Variants in PRKN observed in about 807,000 individuals in gnomAD.
The protein encoded by PRKN is parkin RBR E3 ubiquitin protein ligase, also known as E3 ubiquitin-protein ligase parkin.
A neutral mutation model predicts 59.5 loss-of-function variants in PRKN; 56 were observed. The ratio of observed to expected loss-of-function variants is 0.94; its 90% CI spans 0.76 to 1.18. The LOEUF (loss-of-function observed/expected upper bound fraction) is 1.18, where lower values mean the gene tolerates loss of function less well. Among genes scored for constraint, PRKN ranks in the 50% most tolerant of loss-of-function variants. The pLI, the probability that PRKN is intolerant of heterozygous loss-of-function variation, is 0.00. For missense variants in PRKN, 657 were observed against 596.4 expected (o/e 1.10, Z -1.06); for synonymous variants, 250 against 222.1 (o/e 1.13, Z -1.12).
rs191414101 is a variant in PRKN, at chr6:162,442,298, C to T, written c.171+1012G>A. Among the ~76,000 whole-genome samples, 474 of 152,292 alleles carry T rather than the reference C, an allele frequency of 3.1e-3. 4 individuals carry two copies. Among genetic ancestry groups the T allele is most frequent in the African/African-American group, 0.011 (447 of 41,562 alleles). On this transcript the variant is annotated intron_variant, in intron 2 of 11. Coordinates refer to ENST00000366898, the MANE Select transcript of PRKN (RefSeq NM_004562.3). The stretch of plus-strand genomic sequence containing the variant: ...ACTCTGACCCAGGAGCCCCCCTGCG[C>T]GGAGCAGTGATACCCACACAGCTGT...
intron 1 of PRKN, among the ~76,000 whole-genome samples, chr6:162,644,095 A>G (rs1778071084): frequency 6.6e-6 from 1 of 152,066 alleles, no homozygotes; most frequent in Non-Finnish European, 1.5e-5. Flanking sequence ...GAACGCTCCC[A>G]CTTTCAGCAC....
At chr6:161,494,119 C>T (rs914578140) in intron 9 of PRKN, among the ~76,000 whole-genome samples, 7 of 152,130 alleles carry the variant, frequency 4.6e-5, no homozygotes, top group African/African-American at 1.2e-4. Context: ...TAGTTTTATA[C>T]CATATTTAAT....
At chr6:162,382,851 A>G (rs1050195673) in intron 2 of PRKN, among the ~76,000 whole-genome samples, 1 of 152,240 alleles carries the variant, frequency 6.6e-6, no homozygotes, top group Non-Finnish European at 1.5e-5. Context: ...TAAGTTATGC[A>G]GTATCTAAAT....
chr6:162,372,624 G>A lies in PRKN; in HGVS notation c.171+70686C>T, dbSNP rs538697863. ...ATTCGGTGCTATGCTCACTACTTGC[G>A]TTGCAGAATGATTTGAACCCCAAAG... On this transcript the variant is annotated intron_variant, in intron 2 of 11. Coordinates refer to ENST00000366898, the MANE Select transcript of PRKN (RefSeq NM_004562.3). Among the ~76,000 whole-genome samples the A allele has an allele frequency of 4.6e-5, 7 of 152,164 alleles. No homozygotes were observed. The East Asian group carries it at 7.7e-4, about 17-fold the overall frequency.
chr6:162,566,477 A>C (rs1260526286), intron 1 of PRKN, among the ~76,000 whole-genome samples: 2 of 152,182 alleles, frequency 1.3e-5, no homozygotes, highest in Admixed American at 6.5e-5. Context: ...AAAAGTTCAA[A>C]GGATCATTAG....
In PRKN at chr6:161,419,195, C is replaced by G. The variant is rs1348547813; in HGVS notation, c.1084-32318G>C. The stretch of plus-strand genomic sequence containing the variant: ...ACGTGCTACACAGAGTTTGATGCTT[C>G]TTGTGCGTGATCTCACCTGTTCCCC... On this transcript the variant is annotated intron_variant, in intron 9 of 11. Transcript: ENST00000366898. The surrounding 1 kb of genome is among the most constrained non-coding windows in gnomAD (Gnocchi z 4.1). Among the ~76,000 whole-genome samples, 2 of 152,154 alleles carry G rather than the reference C, an allele frequency of 1.3e-5. No homozygotes were observed. Among genetic ancestry groups the G allele is most frequent in the Non-Finnish European group, 2.9e-5 (2 of 68,032 alleles).
chr6:162,013,001 A>T (rs1438997123), intron 5 of PRKN, among the ~76,000 whole-genome samples: 1 of 152,136 alleles, frequency 6.6e-6, no homozygotes, highest in Non-Finnish European at 1.5e-5. Flanking sequence ...AGGCTATGCA[A>T]ATATTCTGCT....
At chr6:162,475,592 T>TGA (rs1554227855) in intron 1 of PRKN, among the ~76,000 whole-genome samples, 5 of 151,880 alleles carry the variant, frequency 3.3e-5, no homozygotes, top group East Asian at 1.9e-4. Context: ...TGAGTGTGTG[T>TGA]GTGTTTGCAT....
At chr6:162,369,002 C>G (rs1488878810) in intron 2 of PRKN, among the ~76,000 whole-genome samples, 2 of 152,204 alleles carry the variant, frequency 1.3e-5, no homozygotes, top group African/African-American at 4.8e-5. Context: ...GACACTAGCA[C>G]TCATTACCCC....
rs147645167 is a variant in PRKN, at chr6:162,294,491, C to G, written c.172-31726G>C. Among the ~76,000 whole-genome samples the G allele has an allele frequency of 1.5e-3, 235 of 152,144 alleles. 4 individuals carry two copies. The East Asian group carries it at 0.024, about 16-fold the overall frequency. ...ATTGATTAATAACTTGCCTGAATAC[C>G]AGGATTAGTAAATTTAGACTTTGTT... is the stretch of plus-strand genomic sequence containing the variant. On this transcript the variant is annotated intron_variant, in intron 2 of 11. Transcript: ENST00000366898.
At chr6:162,471,271 T>A (rs1267002818) in intron 1 of PRKN, among the ~76,000 whole-genome samples, 1 of 151,404 alleles carries the variant, frequency 6.6e-6, no homozygotes, top group African/African-American at 2.4e-5. Flanking sequence ...CTAATTTTTG[T>A]ATTTTTAGTA....
rs1280643203 is a variant in PRKN at position 161,410,680 on chromosome 6, G to C, written c.1084-23803C>G. Among the ~76,000 whole-genome samples the C allele has an allele frequency of 6.6e-6, 1 of 152,168 alleles. No individual in the cohort carries two copies. Among genetic ancestry groups the C allele is most frequent in the Non-Finnish European group, 1.5e-5 (1 of 68,036 alleles). ...GGAGTTGGGGAAACATGGAATGGAG[G>C]ATGGGGAGGATGCAGGGAAGAGAAT... On this transcript the variant is annotated intron_variant, in intron 9 of 11. Transcript: ENST00000366898. The surrounding 1 kb of genome is among the most constrained non-coding windows in gnomAD (Gnocchi z 5.3).
intron 10 of PRKN, among the ~76,000 whole-genome samples, chr6:161,383,787 A>G (rs1277464716): frequency 2.0e-5 from 3 of 152,086 alleles, no homozygotes; most frequent in Non-Finnish European, 4.4e-5. Flanking sequence ...TTTCATTAAC[A>G]TCTCCTCCTG....
rs557004866 is a variant in PRKN, at chr6:162,318,432, G to A, written c.172-55667C>T. Among the ~76,000 whole-genome samples, 67 of 152,122 alleles carry A rather than the reference G, an allele frequency of 4.4e-4. 1 individual carries two copies. The highest frequency in any genetic ancestry group is 1.5e-3 in the African/African-American group (64 of 41,502). On this transcript the variant is annotated intron_variant, in intron 2 of 11. Coordinates refer to ENST00000366898, the MANE Select transcript of PRKN (RefSeq NM_004562.3). ...GAATTATACTGCTATGAACAGTGAT[G>A]TACAGATATCTGTTCAAGTCCCTGC...
At chr6:162,377,838 T>G (rs1786203242) in intron 2 of PRKN, among the ~76,000 whole-genome samples, 1 of 152,220 alleles carries the variant, frequency 6.6e-6, no homozygotes, top group Non-Finnish European at 1.5e-5. Flanking sequence ...TGGCATGTTT[T>G]GGTTATTAAT....
intron 2 of PRKN, among the ~76,000 whole-genome samples, chr6:162,436,284 A>T (rs1304501375): frequency 6.6e-6 from 1 of 151,290 alleles, no homozygotes; most frequent in Non-Finnish European, 1.5e-5. Flanking sequence ...CCTAAATTCT[A>T]TTACATAAAT....
chr6:161,906,456 C>A (rs898044847), intron 6 of PRKN, among the ~76,000 whole-genome samples: 1 of 152,000 alleles, frequency 6.6e-6, no homozygotes, highest in African/African-American at 2.4e-5. Context: ...CTTCTCATTG[C>A]TGTAGCTTAA....
At position 161,474,686 on chromosome 6, in the gene PRKN, G is replaced by C. The variant is rs143190412; in HGVS notation, c.1083+74168C>G. Among the ~76,000 whole-genome samples the C allele has an allele frequency of 3.6e-4, 54 of 148,326 alleles. No homozygotes were observed. In the South Asian group the frequency reaches 4.1e-3, roughly 11 times the overall value. ...CTCGGCTCACTGCAAGCTCCGCCTCGTGGGTTCACGCCATTCTCCTGCCTC... is the reference window on the plus strand; with the variant it reads ...CTCGGCTCACTGCAAGCTCCGCCTCCTGGGTTCACGCCATTCTCCTGCCTC... On this transcript the variant is annotated intron_variant, in intron 9 of 11. Coordinates refer to ENST00000366898, the MANE Select transcript of PRKN (RefSeq NM_004562.3).
Position 161,486,842 on chromosome 6 carries a change from A to G in PRKN, c.1083+62012T>C, listed in dbSNP as rs951886537. ...CAGAGCAGAATGAATTGTGCATTCC[A>G]ATTTTTTAGCTCTATCATACACTCT... is the stretch of plus-strand genomic sequence containing the variant. On this transcript the variant is annotated intron_variant, in intron 9 of 11. Transcript: ENST00000366898. Among the ~76,000 whole-genome samples the G allele has an allele frequency of 1.1e-4, 17 of 152,296 alleles. No individual in the cohort carries two copies. The East Asian group carries it at 3.1e-3, about 28-fold the overall frequency.
Sources: allele counts gnomAD v4.1 joint callset (sites outside exome capture counted in the v4.1 genomes callset), GRCh38; gene constraint gnomAD v4.1.1; non-coding constraint Gnocchi (gnomAD v3.1); transcripts MANE v1.5; gene names NCBI Gene and HGNC (gene_info 2026-07-23, HGNC 2026-07-21).